The following TNPO1 variants were observed in gnomAD, a reference collection of about 807,000 sequenced individuals.
TNPO1 encodes the protein transportin 1.
A neutral mutation model predicts 119.5 loss-of-function variants in TNPO1; 8 were observed. The observed-to-expected ratio is 0.07, with a 90% CI of 0.04 to 0.12. The LOEUF is 0.12. Among genes scored for constraint, TNPO1 ranks in the 10% least tolerant of loss-of-function variants. TNPO1 has a pLI of 1.00. For missense variants in TNPO1, 576 were observed against 1,089.8 expected, an observed-to-expected ratio of 0.53 and a Z score of 6.64; for synonymous variants, 362 against 363.0, an observed-to-expected ratio of 1.00 and a Z score of 0.03.
intron 5 of TNPO1, 95 bp from the exon 6 acceptor site, chr5:72,865,501 A>T (rs1343042841): frequency 1.5e-6 from 2 of 1,350,208 alleles, no homozygotes; most frequent in Non-Finnish European, 2.1e-6. Flanking sequence ...TGGGCTGAGA[A>T]CATTAGTCCA....
At chr5:72,850,155 AATTATT>A in intron 2 of TNPO1, among the ~76,000 whole-genome samples, 1 of 152,272 alleles carries the variant, frequency 6.6e-6, no homozygotes, top group South Asian at 2.1e-4. Flanking sequence ...TAATATATTT[AATTATT>A]ATTTTGTATA....
chr5:72,891,787 A>G (rs1174481854), intron 14 of TNPO1, 23 bp from the exon 15 acceptor site: 1 of 1,520,960 alleles, frequency 6.6e-7, no homozygotes, highest in Admixed American at 1.8e-5. Flanking sequence ...GGAATTTTAT[A>G]TGTTTTTCAT....
chr5:72,829,571 A>G (rs1744356196), intron 1 of TNPO1, among the ~76,000 whole-genome samples: 1 of 152,240 alleles, frequency 6.6e-6, no homozygotes. Context: ...GGAGAATTTC[A>G]GTAGCAAGTA....
At chr5:72,902,288 G>T (rs981075242) in intron 22 of TNPO1, among the ~76,000 whole-genome samples, 1 of 151,992 alleles carries the variant, frequency 6.6e-6, no homozygotes, top group Admixed American at 6.6e-5. Context: ...TTCCTAGCTC[G>T]TATTGTGGTT....
intron 9 of TNPO1, among the ~76,000 whole-genome samples, chr5:72,881,026 C>CT (rs1038397637): frequency 2.0e-5 from 3 of 152,084 alleles, no homozygotes; most frequent in Non-Finnish European, 1.5e-5. Context: ...CCAGCCAGTC[C>CT]TTTATTTCTT....
intron 9 of TNPO1, among the ~76,000 whole-genome samples, chr5:72,880,451 T>C (rs886739893): frequency 1.3e-5 from 2 of 152,218 alleles, no homozygotes; most frequent in Non-Finnish European, 2.9e-5. Flanking sequence ...AACCCAATGC[T>C]CAGCCCATAT....
chr5:72,905,265 CTT>C (rs758139169), intron 23 of TNPO1, 36 bp from the exon 24 acceptor site: 35 of 1,469,960 alleles, frequency 2.4e-5, no homozygotes, highest in African/African-American at 1.1e-4. Context: ...GAATTTTTCT[CTT>C]GTTATTGATA....
At chr5:72,843,136 C>G (rs1314472168) in intron 1 of TNPO1, among the ~76,000 whole-genome samples, 1 of 152,112 alleles carries the variant, frequency 6.6e-6, no homozygotes, top group Non-Finnish European at 1.5e-5. Flanking sequence ...AGATGTTCAC[C>G]ATGAAGAATT....
intron 1 of TNPO1, among the ~76,000 whole-genome samples, chr5:72,827,505 A>G (rs763360476): frequency 5.3e-5 from 8 of 152,182 alleles, no homozygotes; most frequent in Non-Finnish European, 1.0e-4. Flanking sequence ...GAAGTGGTCA[A>G]TTCAGAGTAT....
At chr5:72,841,119 C>CTCT (rs1554048705) in intron 1 of TNPO1, among the ~76,000 whole-genome samples, 1 of 142,566 alleles carries the variant, frequency 7.0e-6, no homozygotes, top group Admixed American at 6.9e-5. Flanking sequence ...GACTCTCTCT[C>CTCT]TTTTTTTTTT....
At chr5:72,903,056 A>G (rs2112496673) in intron 22 of TNPO1, among the ~76,000 whole-genome samples, 1 of 152,172 alleles carries the variant, frequency 6.6e-6, no homozygotes, top group East Asian at 1.9e-4. Flanking sequence ...TATGATAGGC[A>G]AGATTGAGAA....
In TNPO1 at chr5:72,906,571, G is replaced by C. The variant is rs141962904; in HGVS notation, c.*35+1126G>C. ...TCCCAAAGTGCTGGGATTTACAGGC[G>C]TAAGCCACTGAGCCCAGTGCCTAGG... On this transcript the variant is annotated intron_variant, in intron 24 of 24. Transcript: ENST00000337273. Among the ~76,000 whole-genome samples, 86 of 152,146 alleles carry C rather than the reference G, an allele frequency of 5.7e-4. 2 individuals are homozygous for C. Among genetic ancestry groups the C allele is most frequent in the African/African-American group, 1.9e-3 (78 of 41,520 alleles).
intron 1 of TNPO1, 196 bp downstream of exon 1, chr5:72,816,948 G>T (rs1743720547): frequency 1.7e-6 from 1 of 582,212 alleles, no homozygotes; most frequent in South Asian, 2.7e-5. Flanking sequence ...CGCCCTGCGG[G>T]ACCCGGGTAG....
At chr5:72,889,742 T>C (rs1370623140) in intron 13 of TNPO1, 44 bp from the exon 14 acceptor site, 4 of 1,532,434 alleles carry the variant, frequency 2.6e-6, no homozygotes, top group Non-Finnish European at 3.5e-6. Flanking sequence ...GAGTTAGATA[T>C]ATCTTACAGT....
intron 5 of TNPO1, among the ~76,000 whole-genome samples, chr5:72,862,178 A>T (rs1423566785): frequency 6.6e-6 from 1 of 152,244 alleles, no homozygotes; most frequent in Non-Finnish European, 1.5e-5. Context: ...ATGTATATGT[A>T]TGTAATATAC....
At chr5:72,852,370 G>T (rs1253059113) in intron 3 of TNPO1, among the ~76,000 whole-genome samples, 1 of 152,172 alleles carries the variant, frequency 6.6e-6, no homozygotes, top group African/African-American at 2.4e-5. Flanking sequence ...GGAGAGAAAG[G>T]TGAACAAAAC....
chr5:72,835,052 T>G (rs1337869967), intron 1 of TNPO1, among the ~76,000 whole-genome samples: 1 of 152,232 alleles, frequency 6.6e-6, no homozygotes, highest in African/African-American at 2.4e-5. Flanking sequence ...CTATACCATA[T>G]AGCCTAGGTG....
At chr5:72,886,210 A>C (rs1748622484) in intron 11 of TNPO1, among the ~76,000 whole-genome samples, 2 of 152,194 alleles carry the variant, frequency 1.3e-5, no homozygotes, top group Non-Finnish European at 2.9e-5. Context: ...TATTATAATA[A>C]AATCTGGGTT....
At chr5:72,877,094 C>CAAAAAAAAAAAAAAAAAAAAAAAAAA (rs35883847) in intron 8 of TNPO1, 134 bp from the exon 9 acceptor site, 1 of 221,758 alleles carries the variant, frequency 4.5e-6, no homozygotes. Context: ...GACTGCATCT[C>CAAAAAAAAAAAAAAAAAAAAAAAAAA]AAAAAAAAAA....
Sources: allele counts gnomAD v4.1 joint callset (sites outside exome capture counted in the v4.1 genomes callset), GRCh38; gene constraint gnomAD v4.1.1; transcripts MANE v1.5; gene names NCBI Gene and HGNC (gene_info 2026-07-23, HGNC 2026-07-21).